NIPA1: variants seen among roughly 807,000 people sequenced by gnomAD.
NIPA1 encodes the protein magnesium transporter NIPA1.
In NIPA1, 13 loss-of-function variants were observed where a neutral mutation model predicts 23.9. The observed-to-expected ratio is 0.54, with a 90% confidence interval of 0.35 to 0.87. The LOEUF (loss-of-function observed/expected upper bound fraction) is 0.87. Among genes scored for constraint, NIPA1 ranks in the 40% least tolerant of loss-of-function variants. The pLI is 0.01. For synonymous variants in NIPA1, 234 were observed against 202.9 expected, an observed-to-expected ratio of 1.15 and a Z score of -1.30; for missense variants, 362 against 429.7, an observed-to-expected ratio of 0.84 and a Z score of 1.39.
intron 1 of NIPA1, among the ~76,000 whole-genome samples, chr15:22,802,815 C>T (rs983243852): frequency 6.8e-6 from 1 of 146,324 alleles, no homozygotes; most frequent in African/African-American, 2.6e-5. Context: ...TATGTATTCT[C>T]TTACGTCTGC....
chr15:22,813,080 C>T (rs1895350446), intron 3 of NIPA1, among the ~76,000 whole-genome samples: 2 of 152,108 alleles, frequency 1.3e-5, no homozygotes, highest in South Asian at 4.1e-4. Context: ...AGGAGAAGGT[C>T]CCGGGTTTGG....
At chr15:22,789,996 G>A (rs756919144) in intron 1 of NIPA1, among the ~76,000 whole-genome samples, 6 of 152,126 alleles carry the variant, frequency 3.9e-5, no homozygotes, top group Non-Finnish European at 8.8e-5. Context: ...GTTTCACCAT[G>A]TTGGCCAGGC....
At chr15:22,800,859 A>C (rs1488284551) in intron 1 of NIPA1, among the ~76,000 whole-genome samples, 1 of 150,692 alleles carries the variant, frequency 6.6e-6, no homozygotes, top group African/African-American at 2.4e-5. Context: ...TGAACCCGGG[A>C]GGTGGAGCTT....
chr15:22,788,811 C>G (rs1205848644), intron 1 of NIPA1, among the ~76,000 whole-genome samples: 1 of 147,062 alleles, frequency 6.8e-6, no homozygotes, highest in Non-Finnish European at 1.5e-5. Context: ...CCCAGCTACT[C>G]GGGAGGCTGA....
rs71117480 is a variant in NIPA1 at position 22,816,486 on chromosome 15, C to CTTTTT, written c.318-3808_318-3804dup. Among the ~76,000 whole-genome samples, 122 of 42,290 alleles carry CTTTTT rather than the reference C, an allele frequency of 2.9e-3. 26 individuals carry two copies. Among genetic ancestry groups the CTTTTT allele is most frequent in the African/African-American group, 6.3e-3 (58 of 9,272 alleles). The allele number at this position is 42,290 out of a possible 152,430, so 27.7% of individuals were successfully genotyped here. A position where few individuals can be genotyped will look rare whatever the true frequency, so the allele number is the denominator to read the frequency against. On this transcript the variant is annotated intron_variant, in intron 3 of 4. Coordinates refer to ENST00000337435, the MANE Select transcript of NIPA1 (RefSeq NM_144599.5). ...ACAGGTGTGAGCCACCGCACCCAGC[C>CTTTTT]TTTTTTTTTTTTTTTTTTTTTTTCA... is the stretch of plus-strand genomic sequence containing the variant.
chr15:22,799,818 C>G (rs1415219709), intron 1 of NIPA1, among the ~76,000 whole-genome samples: 4 of 146,370 alleles, frequency 2.7e-5, no homozygotes, highest in Admixed American at 7.0e-5. Flanking sequence ...TTGTGGTGCA[C>G]CTGTAGTCTC....
intron 1 of NIPA1, among the ~76,000 whole-genome samples, chr15:22,796,187 G>A (rs865898593): frequency 5.4e-4 from 82 of 151,976 alleles, no homozygotes; most frequent in African/African-American, 1.9e-3. Context: ...CTCCCAAAGT[G>A]CTGGGATTAC....
In NIPA1 at chr15:22,829,726, G is replaced by T; in HGVS notation, c.*5487G>T. 1 of 151,974 alleles carries T rather than the reference G, an allele frequency of 6.6e-6. No homozygotes were observed. Among genetic ancestry groups the T allele is most frequent in the East Asian group, 1.9e-4 (1 of 5,186 alleles). 9.4% of individuals were successfully genotyped at this position (151,974 alleles called of 1,614,324 possible). On this transcript the variant is annotated 3_prime_UTR_variant, in exon 5 of 5. Coordinates refer to ENST00000337435, the MANE Select transcript of NIPA1 (RefSeq NM_144599.5). ...CTCATGTAAATAAAAAGGCTATTAA[G>T]TTTTCCAGTAATATTTATTAATCTG...
intron 4 of NIPA1, among the ~76,000 whole-genome samples, chr15:22,823,031 GC>G (rs1895573259): frequency 1.4e-5 from 2 of 139,720 alleles, no homozygotes; most frequent in Admixed American, 7.5e-5. Context: ...CGATTCTCCT[GC>G]CTCAGCCTCC....
chr15:22,791,573 T>TC (rs923863381), intron 1 of NIPA1, among the ~76,000 whole-genome samples: 1 of 149,038 alleles, frequency 6.7e-6, no homozygotes, highest in African/African-American at 2.5e-5. Context: ...AATCTCTGCT[T>TC]CCCAGGTTCA....
intron 1 of NIPA1, among the ~76,000 whole-genome samples, chr15:22,804,389 A>C (rs1471178506): frequency 6.6e-6 from 1 of 151,996 alleles, no homozygotes; most frequent in East Asian, 1.9e-4. Flanking sequence ...CTAAAGTGCT[A>C]GGATTACAGT....
Position 22,826,040 on chromosome 15 carries a change from T to G in NIPA1, c.*1801T>G, listed in dbSNP as rs1236198736. ...AAAGTAGATTAGGTGAAGTAGAACA[T>G]AAAATTGAATAGTACCCAATTAAAG... On this transcript the variant is annotated 3_prime_UTR_variant, in exon 5 of 5. Transcript: ENST00000337435. The G allele has an allele frequency of 6.6e-6, 1 of 151,846 alleles. No homozygotes were observed. 9.4% of individuals were successfully genotyped at this position (151,846 alleles called of 1,614,324 possible).
intron 1 of NIPA1, among the ~76,000 whole-genome samples, chr15:22,801,101 A>G (rs901364649): frequency 6.6e-6 from 1 of 151,150 alleles, no homozygotes; most frequent in Non-Finnish European, 1.5e-5. Flanking sequence ...GAGGCAGTAT[A>G]CACTGAGCCC....
chr15:22,802,139 A>G (rs1405753920), intron 1 of NIPA1, among the ~76,000 whole-genome samples: 1 of 152,082 alleles, frequency 6.6e-6, no homozygotes, highest in Non-Finnish European at 1.5e-5. Flanking sequence ...CACGCCCGTA[A>G]TCCCAGCACT....
intron 1 of NIPA1, among the ~76,000 whole-genome samples, chr15:22,795,112 A>G (rs1296788361): frequency 6.6e-6 from 1 of 151,994 alleles, no homozygotes; most frequent in African/African-American, 2.4e-5. Flanking sequence ...AGCTGACCTT[A>G]CTTACGTCCT....
chr15:22,792,001 A>G (rs1174234200), intron 1 of NIPA1, among the ~76,000 whole-genome samples: 1 of 152,132 alleles, frequency 6.6e-6, no homozygotes, highest in East Asian at 1.9e-4. Flanking sequence ...GCTCTACAGC[A>G]TAGGCTCAGA....
intron 1 of NIPA1, among the ~76,000 whole-genome samples, chr15:22,809,809 G>A (rs1218959648): frequency 1.3e-5 from 2 of 151,956 alleles, no homozygotes; most frequent in African/African-American, 4.8e-5. Flanking sequence ...GGAGGCCGAG[G>A]TGGGCGGATC....
chr15:22,788,976 A>C lies in NIPA1; in HGVS notation c.178+2142A>C, dbSNP rs192998935. 2.5e-3 allele frequency among the ~76,000 whole-genome samples: 364 copies of C among 146,726 alleles called. 2 individuals carry two copies. The highest frequency in any genetic ancestry group is 7.2e-3 in the Middle Eastern group (2 of 276). On this transcript the variant is annotated intron_variant, in intron 1 of 4. Transcript: ENST00000337435. ...TCTTATACCTATATACTATGCTTTCATTCATTTATTTATTTTTTATTATGA... is the reference window on the plus strand; with the variant it reads ...TCTTATACCTATATACTATGCTTTCCTTCATTTATTTATTTTTTATTATGA...
chr15:22,812,036 G>A (rs1341876690), intron 2 of NIPA1, 127 bp from the exon 3 acceptor site: 2 of 762,644 alleles, frequency 2.6e-6, no homozygotes, highest in Admixed American at 2.0e-5. Context: ...CACCCCAGAT[G>A]TGATTCTTCA....
Sources: gnomAD v4.1 joint callset for allele counts (sites outside exome capture counted in the v4.1 genomes callset) on GRCh38, gnomAD v4.1.1 for gene constraint, MANE v1.5 for transcripts, NCBI Gene and HGNC (gene_info 2026-07-23, HGNC 2026-07-21) for gene names.